Variants in WDFY3 observed in about 807,000 individuals in gnomAD.
WDFY3 encodes WD repeat and FYVE domain containing 3.
A neutral mutation model predicts 409.6 loss-of-function variants in WDFY3; 66 were observed. The observed-to-expected ratio is 0.16, with a 90% CI of 0.13 to 0.20. The LOEUF (loss-of-function observed/expected upper bound fraction) is 0.20, where lower values mean the gene tolerates loss of function less well. WDFY3 is among the 10% of genes least tolerant of loss of function. The pLI is 1.00. For synonymous variants in WDFY3, 1,521 were observed against 1,537.1 expected (o/e 0.99, Z 0.25); for missense variants, 3,031 against 4,298.1 (o/e 0.71, Z 8.24).
At chr4:84,892,310 T>C (rs985888161) in intron 3 of WDFY3, among the ~76,000 whole-genome samples, 2 of 151,916 alleles carry the variant, frequency 1.3e-5, no homozygotes, top group Admixed American at 1.3e-4. Context: ...AGGCTTTATG[T>C]AATCTCTTAT....
At chr4:84,720,136 T>A (rs764709699) in intron 47 of WDFY3, among the ~76,000 whole-genome samples, 2 of 152,096 alleles carry the variant, frequency 1.3e-5, no homozygotes, top group East Asian at 3.9e-4. Context: ...TGTAAGGCAA[T>A]GAGATAGAGA....
intron 11 of WDFY3, 123 bp downstream of exon 11, chr4:84,820,949 AGTTCACTAATAT>A: frequency 1.1e-6 from 1 of 900,032 alleles, no homozygotes; most frequent in Non-Finnish European, 1.6e-6. Flanking sequence ...TGGAAAATAC[AGTTCACTAATAT>A]GTCACAATAA....
intron 18 of WDFY3, among the ~76,000 whole-genome samples, 169 bp downstream of exon 18, chr4:84,797,827 T>C (rs543022518): frequency 6.6e-6 from 1 of 152,220 alleles, no homozygotes; most frequent in African/African-American, 2.4e-5. Flanking sequence ...CGTCTCGGCC[T>C]CCCAAAGTGC....
At chr4:84,831,845 T>G (rs1755783739) in intron 7 of WDFY3, among the ~76,000 whole-genome samples, 1 of 152,080 alleles carries the variant, frequency 6.6e-6, no homozygotes, top group South Asian at 2.1e-4. Flanking sequence ...GAACAGATGC[T>G]GGTAAGGAAG....
chr4:84,905,113 A>C (rs1395456690), intron 2 of WDFY3, among the ~76,000 whole-genome samples: 2 of 152,238 alleles, frequency 1.3e-5, no homozygotes, highest in African/African-American at 2.4e-5. Flanking sequence ...AGGCAGGCGG[A>C]TCACTTGAGG....
intron 22 of WDFY3, among the ~76,000 whole-genome samples, chr4:84,788,946 G>A (rs527726413): frequency 6.6e-6 from 1 of 152,290 alleles, no homozygotes; most frequent in East Asian, 1.9e-4. Flanking sequence ...CTCATACCCA[G>A]GAGGTGGAGG....
At chr4:84,817,270 T>A in intron 13 of WDFY3, 122 bp downstream of exon 13, 1 of 1,222,892 alleles carries the variant, frequency 8.2e-7, no homozygotes, top group Non-Finnish European at 1.2e-6. Context: ...TACAAAGTTG[T>A]GAGGTTTCTT....
chr4:84,955,350 C>A (rs1774110083), intron 1 of WDFY3, among the ~76,000 whole-genome samples: 1 of 152,096 alleles, frequency 6.6e-6, no homozygotes, highest in Admixed American at 6.6e-5. Context: ...GAATGAATTA[C>A]CCTGTGGAAA....
chr4:84,959,457 G>T (rs1774650316), intron 1 of WDFY3, among the ~76,000 whole-genome samples: 1 of 152,152 alleles, frequency 6.6e-6, no homozygotes, highest in Admixed American at 6.5e-5. Context: ...CTTCAGCAGG[G>T]AAATACAGGC....
intron 65 of WDFY3, among the ~76,000 whole-genome samples, 196 bp from the exon 66 acceptor site, chr4:84,678,475 G>A (rs919316527): frequency 1.3e-5 from 2 of 152,222 alleles, no homozygotes; most frequent in East Asian, 3.8e-4. Flanking sequence ...CCAGGCTGGA[G>A]AAACATCTCG....
intron 57 of WDFY3, 79 bp from the exon 58 acceptor site, chr4:84,696,261 T>A: frequency 7.6e-7 from 1 of 1,314,692 alleles, no homozygotes; most frequent in African/African-American, 1.5e-5. Context: ...TGGTAAGTGG[T>A]TAATAGGAAC....
chr4:84,956,032 T>C (rs1003225272), intron 1 of WDFY3, among the ~76,000 whole-genome samples: 4 of 152,198 alleles, frequency 2.6e-5, no homozygotes, highest in Non-Finnish European at 5.9e-5. Flanking sequence ...AATTTTTTCA[T>C]AGACCAAATA....
rs1235676153 is a variant in WDFY3 at position 84,677,378 on chromosome 4, G to A, written c.10278C>T (p.Leu3426=). The change falls in exon 67 of 68, where the codon CTC becomes CTT. Residue 3426 remains leucine (L), a synonymous_variant. Coordinates refer to ENST00000295888, the MANE Select transcript of WDFY3 (RefSeq NM_014991.6). ...AAACTCGGCCTCGACTGTCACCAAC[G>A]AGGATCCTACTGTGATCCCTGCAGG... The part of the protein sequence containing the change: ...LGISKDHSRI[L]VGDSRGRVFS... The A allele has an allele frequency of 4.3e-6, 7 of 1,612,782 alleles. No homozygotes were observed. Among genetic ancestry groups the A allele is most frequent in the East Asian group, 2.2e-5 (1 of 44,866 alleles).
intron 12 of WDFY3, 70 bp from the exon 13 acceptor site, chr4:84,817,655 C>T (rs926313503): frequency 4.4e-6 from 6 of 1,351,518 alleles, no homozygotes; most frequent in Non-Finnish European, 6.1e-6. Flanking sequence ...GATGAATTAA[C>T]ATTCAGTTAT....
intron 15 of WDFY3, among the ~76,000 whole-genome samples, chr4:84,806,348 C>T (rs1036359220): frequency 6.6e-6 from 1 of 152,122 alleles, no homozygotes; most frequent in African/African-American, 2.4e-5. Context: ...TTAGCATGAA[C>T]AGTATCAGGG....
At position 84,820,228 on chromosome 4, in the gene WDFY3, CTTAT is replaced by C. The variant is rs1234254843; in HGVS notation, c.1592-46_1592-43del. The C allele has an allele frequency of 6.1e-6, 9 of 1,464,302 alleles. No individual in the cohort carries two copies. In the Admixed American group the frequency reaches 1.9e-4, roughly 30 times the overall value. The allele number at this position is 1,464,302 out of a possible 1,614,324, so 90.7% of individuals were successfully genotyped here. A position where few individuals can be genotyped will look rare whatever the true frequency, so the allele number is the denominator to read the frequency against. Reference sequence around the variant, plus strand: ...AGGTCCAAATTACAAAAGTGATAAGCTTATTTTTTCTTGATTCCGTTTTACTGTA... The same window carrying C: ...AGGTCCAAATTACAAAAGTGATAAGCTTTTTCTTGATTCCGTTTTACTGTA... On this transcript the variant is annotated intron_variant, in intron 11 of 67. Transcript: ENST00000295888.
intron 4 of WDFY3, among the ~76,000 whole-genome samples, chr4:84,852,343 A>G (rs1759147234): frequency 6.6e-6 from 1 of 152,204 alleles, no homozygotes; most frequent in South Asian, 2.1e-4. Context: ...TCCACTTAAT[A>G]TTTTCAGACC....
intron 27 of WDFY3, among the ~76,000 whole-genome samples, chr4:84,776,569 T>C (rs1054453706): frequency 2.6e-5 from 4 of 152,094 alleles, no homozygotes; most frequent in Non-Finnish European, 5.9e-5. Flanking sequence ...GTAGGTCTTC[T>C]TAGTGTTCCC....
At position 84,820,203 on chromosome 4, in the gene WDFY3, A is replaced by G. The variant is rs777774807; in HGVS notation, c.1592-17T>C. ...TTGAGTCCCCTAAAAAAAGGTTCAAAGGTCCAAATTACAAAAGTGATAAGC... is the reference window on the plus strand; with the variant it reads ...TTGAGTCCCCTAAAAAAAGGTTCAAGGGTCCAAATTACAAAAGTGATAAGC... On this transcript the variant is annotated splice_polypyrimidine_tract_variant and intron_variant, in intron 11 of 67. Transcript: ENST00000295888. The G allele has an allele frequency of 6.3e-7, 1 of 1,580,624 alleles. No individual in the cohort carries two copies. The highest frequency in any genetic ancestry group is 1.2e-5 in the South Asian group (1 of 85,938).
Sources: allele counts gnomAD v4.1 joint callset (sites outside exome capture counted in the v4.1 genomes callset), GRCh38; gene constraint gnomAD v4.1.1; transcripts MANE v1.5; gene names NCBI Gene and HGNC (gene_info 2026-07-23, HGNC 2026-07-21).